SLC27A2: variants seen among roughly 807,000 people sequenced by gnomAD.
The protein encoded by SLC27A2 is solute carrier family 27 member 2, also known as long-chain fatty acid transport protein 2.
SLC27A2 carries 54 observed loss-of-function variants against 60.0 expected under a neutral mutation model. The ratio of observed to expected loss-of-function variants is 0.90; its 90% CI spans 0.72 to 1.13. The LOEUF is 1.13. Ranked by LOEUF, SLC27A2 falls within the 50% of genes most tolerant of loss-of-function variation. SLC27A2 has a pLI of 0.00. For synonymous variants in SLC27A2, 297 were observed against 297.6 expected (o/e 1.00, Z 0.02); for missense variants, 739 against 777.6 (o/e 0.95, Z 0.59).
chr15:50,202,586 C>T lies in SLC27A2; in HGVS notation c.788C>T (p.Thr263Ile), dbSNP rs2045073675. 6.2e-7 allele frequency: 1 copy of T among 1,614,106 alleles called. No homozygotes were observed. The highest frequency in any genetic ancestry group is 1.7e-5 in the Admixed American group (1 of 60,026). Residue 263 changes from threonine (T) to isoleucine (I), a missense_variant, in exon 3 of 10, where the codon ACT becomes ATT. Coordinates refer to ENST00000267842, the MANE Select transcript of SLC27A2 (RefSeq NM_003645.4). ...AAGGCAGATGATGTCATCTATATCA[C>T]TCTGCCCTTTTACCACAGTGCTGCA... ...GLKADDVIYI[T>I]LPFYHSAALL...
intron 3 of SLC27A2, 142 bp from the exon 4 acceptor site, chr15:50,205,097 A>G (rs17415911): frequency 0.15 from 134,616 of 904,052 alleles, 11,316 homozygotes; most frequent in Middle Eastern, 0.18. Context: ...AATTTTTTGC[A>G]TTTGAATATA....
chr15:50,197,137 C>G (rs1420188984), intron 1 of SLC27A2, among the ~76,000 whole-genome samples: 2 of 150,248 alleles, frequency 1.3e-5, no homozygotes, highest in Non-Finnish European at 3.0e-5. Context: ...CCATCAAAAC[C>G]CAACCTTCCC....
At chr15:50,221,525 A>G (rs2045242053) in intron 4 of SLC27A2, among the ~76,000 whole-genome samples, 1 of 152,216 alleles carries the variant, frequency 6.6e-6, no homozygotes, top group Admixed American at 6.5e-5. Flanking sequence ...AAACCAATTC[A>G]GAGTTTGCCT....
Position 50,233,969 on chromosome 15 carries a change from T to C in SLC27A2, c.1657T>C (p.Tyr553His), listed in dbSNP as rs1256764233. The change falls in exon 9 of 10, where the codon TAT (tyrosine) becomes CAT (histidine). Residue 553 changes from tyrosine (Y) to histidine (H), a missense_variant. Coordinates refer to ENST00000267842, the MANE Select transcript of SLC27A2 (RefSeq NM_003645.4). ...GCACATTGCTGATTACCTACCTAGT[T>C]ATGCAAGGCCCCGGTTTCTAAGAAT... ...FQHIADYLPS[Y>H]ARPRFLRIQD... 1.2e-6 allele frequency: 2 copies of C among 1,613,204 alleles called. No homozygotes were observed. The highest frequency in any genetic ancestry group is 1.3e-5 in the African/African-American group (1 of 74,954).
At chr15:50,197,151 A>G (rs920379069) in intron 1 of SLC27A2, among the ~76,000 whole-genome samples, 21 of 128,230 alleles carry the variant, frequency 1.6e-4, no homozygotes, top group African/African-American at 6.0e-4. Flanking sequence ...CCTTCCCTCA[A>G]ATATTGGAAT....
chr15:50,205,214 GACACTTTCTGT>G lies in SLC27A2; in HGVS notation c.848-24_848-14del. On this transcript the variant is annotated splice_polypyrimidine_tract_variant and intron_variant, in intron 3 of 9. Coordinates refer to ENST00000267842, the MANE Select transcript of SLC27A2 (RefSeq NM_003645.4). Reference sequence around the variant, plus strand: ...GAATTTTTTCCACCATTTCTTTCTTGACACTTTCTGTGCTTTCTCTGTAGGTGCTACTCTTG... The same window carrying G: ...GAATTTTTTCCACCATTTCTTTCTTGGCTTTCTCTGTAGGTGCTACTCTTG... 1 of 1,568,708 alleles carries G rather than the reference GACACTTTCTGT, an allele frequency of 6.4e-7. No individual in the cohort carries two copies. Among genetic ancestry groups the G allele is most frequent in the South Asian group, 1.2e-5 (1 of 83,762 alleles).
At chr15:50,207,952 C>CAAA (rs766791604) in intron 4 of SLC27A2, among the ~76,000 whole-genome samples, 2 of 114,474 alleles carry the variant, frequency 1.7e-5, no homozygotes, top group Admixed American at 8.8e-5. Context: ...AAAGACTTTG[C>CAAA]AAAAAAAAAA....
chr15:50,219,608 T>A (rs975133939), intron 4 of SLC27A2, among the ~76,000 whole-genome samples: 7 of 152,144 alleles, frequency 4.6e-5, no homozygotes, highest in African/African-American at 1.4e-4. Context: ...ACCTTTGTGA[T>A]CCTGGGAAAA....
intron 4 of SLC27A2, among the ~76,000 whole-genome samples, chr15:50,213,421 C>T (rs1476603044): frequency 6.6e-6 from 1 of 152,160 alleles, no homozygotes; most frequent in Non-Finnish European, 1.5e-5. Flanking sequence ...AACAAAGAAA[C>T]AATGGATTTA....
intron 4 of SLC27A2, among the ~76,000 whole-genome samples, chr15:50,206,216 C>T (rs1401869003): frequency 6.6e-6 from 1 of 152,032 alleles, no homozygotes; most frequent in Non-Finnish European, 1.5e-5. Context: ...CCAGTAGTAA[C>T]CTCCCCACCT....
intron 2 of SLC27A2, among the ~76,000 whole-genome samples, chr15:50,199,377 A>G (rs6493415): frequency 0.79 from 119,524 of 151,486 alleles, 47,648 homozygotes; most frequent in East Asian, 0.95. Flanking sequence ...AGGAGGCTGA[A>G]GCAGGAGAAT....
chr15:50,233,824 T>C (rs2045331275), intron 8 of SLC27A2, 44 bp from the exon 9 acceptor site: 4 of 1,544,488 alleles, frequency 2.6e-6, no homozygotes, highest in Non-Finnish European at 3.5e-6. Context: ...TAAAGCATCA[T>C]AAATAGCCTT....
intron 2 of SLC27A2, among the ~76,000 whole-genome samples, chr15:50,198,733 C>G (rs1194757511): frequency 3.3e-5 from 5 of 152,084 alleles, no homozygotes; most frequent in African/African-American, 7.2e-5. Flanking sequence ...AGTCTTTTAC[C>G]TCTGTTGATT....
In SLC27A2 at chr15:50,222,962, C is replaced by T. The variant is rs753034681; in HGVS notation, c.973-3C>T. On this transcript the variant is annotated splice_region_variant and splice_polypyrimidine_tract_variant and intron_variant, in intron 4 of 9. Transcript: ENST00000267842. ...TTGGTCTCCTTCTTCTCCCCCACCA[C>T]AGAAACCAAATGACCGTGATCATAA... is the stretch of plus-strand genomic sequence containing the variant. 1 of 1,601,528 alleles carries T rather than the reference C, an allele frequency of 6.2e-7. No individual in the cohort carries two copies. Among genetic ancestry groups the T allele is most frequent in the Non-Finnish European group, 8.5e-7 (1 of 1,173,176 alleles).
At chr15:50,209,279 CA>C in intron 4 of SLC27A2, among the ~76,000 whole-genome samples, 1 of 152,100 alleles carries the variant, frequency 6.6e-6, no homozygotes, top group Non-Finnish European at 1.5e-5. Flanking sequence ...TCATTCTGTT[CA>C]AAAAAGAGAA....
chr15:50,207,296 G>A (rs1474199857), intron 4 of SLC27A2, among the ~76,000 whole-genome samples: 3 of 152,084 alleles, frequency 2.0e-5, no homozygotes, highest in Admixed American at 6.6e-5. Flanking sequence ...TCAAATACTG[G>A]AAAACAAAGA....
At chr15:50,196,576 G>A (rs181804925) in intron 1 of SLC27A2, among the ~76,000 whole-genome samples, 3 of 152,184 alleles carry the variant, frequency 2.0e-5, no homozygotes, top group South Asian at 2.1e-4. Flanking sequence ...CAAGATAAGC[G>A]GTAGAACTGT....
chr15:50,203,599 T>TATATGTATATATAAAAATATATACAC (rs2045083453), intron 3 of SLC27A2, among the ~76,000 whole-genome samples: 1 of 152,180 alleles, frequency 6.6e-6, no homozygotes, highest in Non-Finnish European at 1.5e-5. Context: ...TAAATAATCA[T>TATATGTATATATAAAAATATATACAC]ATATGTATAT....
At chr15:50,204,328 A>G (rs1367959355) in intron 3 of SLC27A2, among the ~76,000 whole-genome samples, 1 of 152,110 alleles carries the variant, frequency 6.6e-6, no homozygotes, top group Non-Finnish European at 1.5e-5. Context: ...TTAGCCAGGC[A>G]TGATGGTGTC....
Sources: gnomAD v4.1 joint callset for allele counts (sites outside exome capture counted in the v4.1 genomes callset) on GRCh38, gnomAD v4.1.1 for gene constraint, MANE v1.5 for transcripts, NCBI Gene and HGNC (gene_info 2026-07-23, HGNC 2026-07-21) for gene names.